Variants in DSCAM observed in about 807,000 individuals in gnomAD.
DSCAM encodes DS cell adhesion molecule, also known as cell adhesion molecule DSCAM.
In DSCAM, 47 loss-of-function variants were observed where a neutral mutation model predicts 217.7. The observed-to-expected ratio is 0.22, with a 90% CI of 0.17 to 0.28. The LOEUF is 0.28. Among genes scored for constraint, DSCAM ranks in the 10% least tolerant of loss-of-function variants. The pLI, the probability that DSCAM is intolerant of heterozygous loss-of-function variation, is 1.00. For synonymous variants in DSCAM, 1,056 were observed against 1,015.3 expected (o/e 1.04, Z -0.76); for missense variants, 2,080 against 2,618.3 (o/e 0.79, Z 4.49).
At chr21:40,135,218 G>A (rs137928552) in intron 18 of DSCAM, among the ~76,000 whole-genome samples, 91 of 152,276 alleles carry the variant, frequency 6.0e-4, no homozygotes, top group Admixed American at 1.3e-3. Flanking sequence ...GCAGGTCTGG[G>A]GAGTTCCTTG....
At position 40,717,147 on chromosome 21, in the gene DSCAM, T is replaced by C. The variant is rs560937483; in HGVS notation, c.44-8376A>G. Among the ~76,000 whole-genome samples the C allele has an allele frequency of 2.1e-4, 32 of 152,328 alleles. 1 individual carries two copies. In the South Asian group the frequency reaches 6.2e-3, roughly 30 times the overall value. On this transcript the variant is annotated intron_variant, in intron 1 of 32. Coordinates refer to ENST00000400454, the MANE Select transcript of DSCAM (RefSeq NM_001389.5). ...ATTAGGAGAGGGAGCTACAGGTTTC[T>C]TAGATTCATTTATCTTGGAAACACT...
intron 4 of DSCAM, among the ~76,000 whole-genome samples, chr21:40,360,148 T>C (rs1240901169): frequency 7.1e-6 from 1 of 140,990 alleles, no homozygotes; most frequent in Non-Finnish European, 1.5e-5. Context: ...TTTTTTTTTT[T>C]TGAGACAGAG....
intron 2 of DSCAM, among the ~76,000 whole-genome samples, chr21:40,698,869 T>TAAAA (rs56775350): frequency 3.1e-4 from 33 of 107,974 alleles, no homozygotes; most frequent in African/African-American, 5.0e-4. Flanking sequence ...GAATCCGTCT[T>TAAAA]AAAAAAAAAA....
intron 11 of DSCAM, among the ~76,000 whole-genome samples, chr21:40,231,476 T>C (rs763398589): frequency 2.6e-5 from 4 of 152,074 alleles, no homozygotes; most frequent in Non-Finnish European, 5.9e-5. Flanking sequence ...AGAAAACTTG[T>C]TGATTTTCAG....
chr21:40,592,229 T>C (rs527414419), intron 3 of DSCAM, among the ~76,000 whole-genome samples: 1 of 152,274 alleles, frequency 6.6e-6, no homozygotes, highest in South Asian at 2.1e-4. Context: ...GATAATGCAA[T>C]TAGTCTGTAA....
At chr21:40,268,131 C>T (rs1601501754) in intron 11 of DSCAM, among the ~76,000 whole-genome samples, 1 of 152,314 alleles carries the variant, frequency 6.6e-6, no homozygotes. Context: ...ACCTTGCTTT[C>T]TTACATCACT....
At chr21:40,058,050 T>G (rs907137899) in intron 28 of DSCAM, among the ~76,000 whole-genome samples, 5 of 151,848 alleles carry the variant, frequency 3.3e-5, no homozygotes, top group African/African-American at 1.2e-4. Context: ...TTTTTTGTAT[T>G]TTTAGTAGAG....
chr21:40,414,006 G>A (rs1171491317), intron 3 of DSCAM, among the ~76,000 whole-genome samples: 1 of 152,186 alleles, frequency 6.6e-6, no homozygotes, highest in East Asian at 1.9e-4. Context: ...AAATGTAAGA[G>A]CTGAAACTGT....
chr21:40,523,159 C>G (rs2076372740), intron 3 of DSCAM, among the ~76,000 whole-genome samples: 1 of 152,100 alleles, frequency 6.6e-6, no homozygotes, highest in African/African-American at 2.4e-5. Flanking sequence ...AATAGTGATA[C>G]AGAAGCGGGC....
At chr21:40,433,461 C>T (rs1009841220) in intron 3 of DSCAM, among the ~76,000 whole-genome samples, 1 of 151,978 alleles carries the variant, frequency 6.6e-6, no homozygotes, top group African/African-American at 2.4e-5. Flanking sequence ...CTTTGACTGG[C>T]CCCATCTCCA....
At chr21:40,231,560 T>C (rs1232713806) in intron 11 of DSCAM, among the ~76,000 whole-genome samples, 2 of 150,120 alleles carry the variant, frequency 1.3e-5, no homozygotes, top group Non-Finnish European at 2.9e-5. Flanking sequence ...TGGAATACAG[T>C]GGCATGATCA....
chr21:40,295,816 C>G (rs1361841848), intron 10 of DSCAM, among the ~76,000 whole-genome samples: 2 of 152,184 alleles, frequency 1.3e-5, no homozygotes, highest in African/African-American at 4.8e-5. Flanking sequence ...ACACAAAAGA[C>G]TTCCATCCCT....
intron 3 of DSCAM, among the ~76,000 whole-genome samples, chr21:40,644,049 C>A (rs532208095): frequency 1.3e-5 from 2 of 152,292 alleles, no homozygotes; most frequent in East Asian, 3.9e-4. Context: ...ACTTCCCAAG[C>A]CCCAGCCCAG....
chr21:40,810,712 G>A (rs1344880643), intron 1 of DSCAM, among the ~76,000 whole-genome samples: 4 of 152,158 alleles, frequency 2.6e-5, no homozygotes, highest in Non-Finnish European at 4.4e-5. Context: ...ACCAGTCTGG[G>A]AAACATAGCA....
intron 3 of DSCAM, among the ~76,000 whole-genome samples, chr21:40,658,356 G>A (rs896200835): frequency 2.0e-5 from 3 of 152,146 alleles, no homozygotes; most frequent in Admixed American, 1.3e-4. Context: ...TTTTTGTCAA[G>A]CCCTCTGGAC....
At chr21:40,262,518 A>G (rs1405808801) in intron 11 of DSCAM, among the ~76,000 whole-genome samples, 1 of 152,142 alleles carries the variant, frequency 6.6e-6, no homozygotes, top group Non-Finnish European at 1.5e-5. Context: ...ACAATACCCA[A>G]TCATAGAATT....
At position 40,042,673 on chromosome 21, in the gene DSCAM, T is replaced by A. The variant is rs1201626770; in HGVS notation, c.5384A>T (p.Asp1795Val). Residue 1795 changes from aspartate (D) to valine (V), a missense_variant and splice_region_variant, in exon 32 of 33, where the codon GAT becomes GTT. This residue lies in a region of DSCAM where 1,144 missense variants were observed against 1,421.1 expected (regional missense o/e 0.81). Coordinates refer to ENST00000400454, the MANE Select transcript of DSCAM (RefSeq NM_001389.5). ...GGAGACCATGCTGCTTCTTGCTCGATCTACACCAGGAAAGAGAAAAACAAG... is the reference window on the plus strand; with the variant it reads ...GGAGACCATGCTGCTTCTTGCTCGAACTACACCAGGAAAGAGAAAAACAAG... ...SYSVSPSQDT[D>V]RARSSMVSTE... is the part of the protein sequence containing the mutation. The A allele has an allele frequency of 6.2e-7, 1 of 1,602,046 alleles. No homozygotes were observed. Among genetic ancestry groups the A allele is most frequent in the East Asian group, 2.2e-5 (1 of 44,750 alleles).
chr21:40,641,733 C>T (rs9305701), intron 3 of DSCAM, among the ~76,000 whole-genome samples: 72,052 of 151,950 alleles, frequency 0.47, 17,397 homozygotes, highest in Admixed American at 0.57. Context: ...GAGAGCCTTA[C>T]TACACACTGA....
At chr21:40,324,087 G>C (rs994674516) in intron 8 of DSCAM, among the ~76,000 whole-genome samples, 9 of 61,334 alleles carry the variant, frequency 1.5e-4, no homozygotes, top group African/African-American at 5.3e-4. Context: ...TGGGCAACAA[G>C]AGTGAAACTC....
Sources: gnomAD v4.1 joint callset for allele counts (sites outside exome capture counted in the v4.1 genomes callset) on GRCh38, gnomAD v4.1.1 for gene constraint, gnomAD v4.1.1 regional missense constraint, MANE v1.5 for transcripts, NCBI Gene and HGNC (gene_info 2026-07-23, HGNC 2026-07-21) for gene names.